Variants in MYO16 observed in about 807,000 individuals in gnomAD.
The protein encoded by MYO16 is unconventional myosin-XVI.
MYO16 carries 94 observed loss-of-function variants against 205.3 expected under a neutral mutation model. That is an observed-to-expected ratio of 0.46 (90% confidence interval 0.39 to 0.54). MYO16 has a LOEUF of 0.54. Among genes scored for constraint, MYO16 ranks in the 20% least tolerant of loss-of-function variants. MYO16 has a pLI of 0.00. For missense variants in MYO16, 2,315 were observed against 2,387.5 expected, an observed-to-expected ratio of 0.97 and a Z score of 0.63; for synonymous variants, 988 against 954.0, an observed-to-expected ratio of 1.04 and a Z score of -0.66.
the MYO16 span, among the ~76,000 whole-genome samples, chr13:108,545,268 G>A: frequency 3.4e-4 from 52 of 152,136 alleles, no homozygotes; most frequent in African/African-American, 9.4e-4. Context: ...TTTGTTTTTC[G>A]TTCCTTTGTT....
chr13:108,522,651 C>G, the MYO16 span, among the ~76,000 whole-genome samples: 1 of 152,140 alleles, frequency 6.6e-6, no homozygotes, highest in East Asian at 1.9e-4. Context: ...GAGGTAGAAT[C>G]TACCCCATGC....
At chr13:108,753,392 A>AAAACAAAAAAAT (rs1885316962) in intron 4 of MYO16, among the ~76,000 whole-genome samples, 1 of 136,142 alleles carries the variant, frequency 7.3e-6, no homozygotes, top group African/African-American at 2.8e-5. Flanking sequence ...AAAAAAAAAA[A>AAAACAAAAAAAT]AAACAATAAA....
At chr13:108,618,846 G>A (rs533317796) in intron 1 of MYO16, among the ~76,000 whole-genome samples, 12 of 152,138 alleles carry the variant, frequency 7.9e-5, no homozygotes, top group Non-Finnish European at 1.6e-4. Flanking sequence ...ATTATAATTT[G>A]CATGCAGTAA....
At chr13:109,020,377 T>A (rs183323912) in intron 23 of MYO16, among the ~76,000 whole-genome samples, 1 of 152,306 alleles carries the variant, frequency 6.6e-6, no homozygotes, top group East Asian at 1.9e-4. Context: ...TGCTTCTTAC[T>A]TCAACACCTT....
intron 14 of MYO16, among the ~76,000 whole-genome samples, chr13:108,888,690 C>A (rs1372489945): frequency 6.6e-6 from 1 of 152,122 alleles, no homozygotes; most frequent in African/African-American, 2.4e-5. Flanking sequence ...TACATACTTT[C>A]TTTTTGTATT....
chr13:108,990,754 G>C (rs909274003), intron 20 of MYO16, among the ~76,000 whole-genome samples: 1 of 151,922 alleles, frequency 6.6e-6, no homozygotes, highest in African/African-American at 2.4e-5. Flanking sequence ...TCCTACTTAT[G>C]AAGCTTATAT....
chr13:108,797,940 T>C (rs1211898259), intron 6 of MYO16, among the ~76,000 whole-genome samples: 1 of 152,238 alleles, frequency 6.6e-6, no homozygotes, highest in Admixed American at 6.5e-5. Context: ...CAGTTTTTAC[T>C]TTCCTTGTGA....
chr13:109,144,531 T>C (rs1421753348), intron 32 of MYO16, among the ~76,000 whole-genome samples: 1 of 152,234 alleles, frequency 6.6e-6, no homozygotes, highest in African/African-American at 2.4e-5. Context: ...TAATCCATTT[T>C]CTTCTGAATG....
At chr13:108,984,334 C>T (rs1884552917) in intron 20 of MYO16, among the ~76,000 whole-genome samples, 2 of 152,142 alleles carry the variant, frequency 1.3e-5, no homozygotes, top group African/African-American at 2.4e-5. Context: ...AGTGCATCGA[C>T]CTTAACAAGC....
intron 33 of MYO16, chr13:109,167,379 T>G (rs1878722518): frequency 6.7e-6 from 1 of 150,242 alleles, no homozygotes. Context: ...GTGTTGAGGT[T>G]AAAAAAAAAA....
At position 109,039,502 on chromosome 13, in the gene MYO16, G is replaced by T. The variant is rs140193332; in HGVS notation, c.2797-7414G>T. 1.6e-3 allele frequency among the ~76,000 whole-genome samples: 239 copies of T among 152,278 alleles called. 1 individual carries two copies. The highest frequency in any genetic ancestry group is 2.9e-3 in the Non-Finnish European group (196 of 68,020). On this transcript the variant is annotated intron_variant, in intron 23 of 34. Coordinates refer to ENST00000457511, the MANE Select transcript of MYO16 (RefSeq NM_001198950.3). Reference sequence around the variant, plus strand: ...AATTGAAATTATACAGAGTAGGTTTGCCTACCACAATGGAATCAACCCAGA... The same window carrying T: ...AATTGAAATTATACAGAGTAGGTTTTCCTACCACAATGGAATCAACCCAGA...
intron 21 of MYO16, among the ~76,000 whole-genome samples, chr13:108,997,439 A>G (rs1885066400): frequency 6.6e-6 from 1 of 151,472 alleles, no homozygotes; most frequent in Admixed American, 6.6e-5. Flanking sequence ...AGGAAAGGAA[A>G]GGAAAGGAAA....
At chr13:108,771,798 G>T (rs1307131109) in intron 4 of MYO16, among the ~76,000 whole-genome samples, 1 of 151,854 alleles carries the variant, frequency 6.6e-6, no homozygotes, top group East Asian at 1.9e-4. Flanking sequence ...ATGCATTTAA[G>T]GTTTCTCCAT....
At chr13:109,047,015 C>G in intron 24 of MYO16, 24 bp downstream of exon 24, 1 of 1,514,022 alleles carries the variant, frequency 6.6e-7, no homozygotes, top group Non-Finnish European at 9.2e-7. Context: ...TTTTCCTGCC[C>G]TACACTGGTT....
At chr13:108,710,538 A>C (rs1055749865) in intron 2 of MYO16, among the ~76,000 whole-genome samples, 1 of 152,162 alleles carries the variant, frequency 6.6e-6, no homozygotes, top group Non-Finnish European at 1.5e-5. Flanking sequence ...TCATTTATTG[A>C]TCCTTAAGAA....
chr13:108,808,669 T>C (rs971621808), intron 7 of MYO16, among the ~76,000 whole-genome samples: 2 of 152,012 alleles, frequency 1.3e-5, no homozygotes, highest in African/African-American at 2.4e-5. Context: ...TACTATATAG[T>C]AAGAATTGAG....
At chr13:109,130,398 G>T (rs1323466137) in intron 31 of MYO16, among the ~76,000 whole-genome samples, 1 of 152,094 alleles carries the variant, frequency 6.6e-6, no homozygotes, top group Non-Finnish European at 1.5e-5. Flanking sequence ...TCTTCATGCT[G>T]GTTACTTTAC....
At chr13:109,048,253 G>A in intron 24 of MYO16, 1 of 638,088 alleles carries the variant, frequency 1.6e-6, no homozygotes, top group Non-Finnish European at 2.9e-6. Context: ...TAGAGTCCCT[G>A]TATTTTAAAA....
chr13:109,024,395 A>G (rs1033866062), intron 23 of MYO16, among the ~76,000 whole-genome samples: 1 of 152,080 alleles, frequency 6.6e-6, no homozygotes, highest in South Asian at 2.1e-4. Flanking sequence ...GAGATGCACT[A>G]GATGTTCAAT....
Sources: allele counts gnomAD v4.1 joint callset (sites outside exome capture counted in the v4.1 genomes callset), GRCh38; gene constraint gnomAD v4.1.1; transcripts MANE v1.5; gene names NCBI Gene and HGNC (gene_info 2026-07-23, HGNC 2026-07-21).